FAR2: variants seen among roughly 807,000 people sequenced by gnomAD.
FAR2 encodes the protein epididymis secretory protein Li 81.
FAR2 carries 19 observed loss-of-function variants against 56.0 expected under a neutral mutation model. The ratio of observed to expected loss-of-function variants is 0.34; its 90% CI spans 0.24 to 0.50. The LOEUF (loss-of-function observed/expected upper bound fraction) is 0.50, where lower values mean the gene tolerates loss of function less well. FAR2 is among the 20% of genes least tolerant of loss of function. The pLI is 0.98. For missense variants in FAR2, 508 were observed against 642.2 expected, an observed-to-expected ratio of 0.79 and a Z score of 2.26; for synonymous variants, 219 against 218.8, an observed-to-expected ratio of 1.00 and a Z score of -0.01.
chr12:29,260,352 A>T (rs1234672048), intron 1 of FAR2, among the ~76,000 whole-genome samples: 2 of 152,186 alleles, frequency 1.3e-5, no homozygotes, highest in East Asian at 1.9e-4. Flanking sequence ...TTTCAGAATG[A>T]CTTAAATTGA....
chr12:29,216,238 T>C (rs932085285), intron 1 of FAR2, among the ~76,000 whole-genome samples: 1 of 152,230 alleles, frequency 6.6e-6, no homozygotes, highest in African/African-American at 2.4e-5. Flanking sequence ...GGGAAGCCTT[T>C]TTAGAAAGCC....
intron 1 of FAR2, among the ~76,000 whole-genome samples, chr12:29,181,457 G>A (rs1949990970): frequency 6.6e-6 from 1 of 152,148 alleles, no homozygotes; most frequent in Non-Finnish European, 1.5e-5. Flanking sequence ...CAACAGCAAT[G>A]ACAACAATGG....
intron 1 of FAR2, among the ~76,000 whole-genome samples, chr12:29,152,971 A>C (rs1461363452): frequency 6.6e-6 from 1 of 152,236 alleles, no homozygotes; most frequent in African/African-American, 2.4e-5. Context: ...GCAGAAAAGG[A>C]ATATCTGGAT....
At position 29,319,025 on chromosome 12, in the gene FAR2, T is replaced by C. The variant is rs576933193; in HGVS notation, c.1127+2013T>C. Among the ~76,000 whole-genome samples the C allele has an allele frequency of 5.3e-5, 8 of 151,880 alleles. No homozygotes were observed. In the South Asian group the frequency reaches 1.7e-3, roughly 32 times the overall value. On this transcript the variant is annotated intron_variant, in intron 9 of 11. Coordinates refer to ENST00000536681, the MANE Select transcript of FAR2 (RefSeq NM_001271783.2). The stretch of plus-strand genomic sequence containing the variant: ...TTTTTTTTTGAGATGGAGTCTTGCT[T>C]TGTCACCTAGGCTAGAGTGCAGTGG...
intron 1 of FAR2, among the ~76,000 whole-genome samples, chr12:29,230,119 T>C (rs1947832911): frequency 6.6e-6 from 1 of 151,818 alleles, no homozygotes. Context: ...TACACAGATG[T>C]CATCTGAATA....
chr12:29,233,324 ACT>A (rs1392356838), intron 1 of FAR2, among the ~76,000 whole-genome samples: 1 of 152,020 alleles, frequency 6.6e-6, no homozygotes, highest in Non-Finnish European at 1.5e-5. Flanking sequence ...TTTTGGATAG[ACT>A]CTGAATCTTA....
chr12:29,215,638 A>T (rs1947613152), intron 1 of FAR2, among the ~76,000 whole-genome samples: 1 of 152,222 alleles, frequency 6.6e-6, no homozygotes. Context: ...TAATAGCTTC[A>T]TATTAACAAA....
chr12:29,257,480 C>G (rs1948341682), intron 1 of FAR2, among the ~76,000 whole-genome samples: 1 of 152,202 alleles, frequency 6.6e-6, no homozygotes, highest in African/African-American at 2.4e-5. Context: ...CAGTGGCAAC[C>G]CGCTGGGGTC....
chr12:29,298,306 T>G (rs1949104598), intron 4 of FAR2, among the ~76,000 whole-genome samples: 1 of 145,308 alleles, frequency 6.9e-6, no homozygotes, highest in African/African-American at 2.6e-5. Flanking sequence ...TTTTTTTTTT[T>G]GTAAAAAACT....
intron 4 of FAR2, among the ~76,000 whole-genome samples, chr12:29,303,799 C>T (rs908731787): frequency 6.6e-6 from 1 of 152,168 alleles, no homozygotes; most frequent in Non-Finnish European, 1.5e-5. Context: ...ATCTATGTAG[C>T]TAAGTAAAAA....
At position 29,160,214 on chromosome 12, in the gene FAR2, C is replaced by G. The variant is rs568606046; in HGVS notation, c.-39+10807C>G. 7.2e-5 allele frequency among the ~76,000 whole-genome samples: 11 copies of G among 152,340 alleles called. No individual in the cohort carries two copies. In the East Asian group the frequency reaches 2.1e-3, roughly 29 times the overall value. The stretch of plus-strand genomic sequence containing the variant: ...ACTGTCAGTTCAGGAAAGATGCCTT[C>G]TGAAGATTCCTCACAGAGACTGTAC... On this transcript the variant is annotated intron_variant, in intron 1 of 11. Coordinates refer to ENST00000536681, the MANE Select transcript of FAR2 (RefSeq NM_001271783.2).
intron 1 of FAR2, among the ~76,000 whole-genome samples, chr12:29,225,478 C>T (rs1373760703): frequency 6.6e-6 from 1 of 152,038 alleles, no homozygotes; most frequent in Non-Finnish European, 1.5e-5. Context: ...TGTTGTTGAT[C>T]AAAGCTTACA....
chr12:29,165,041 G>A (rs1286761528), intron 1 of FAR2, among the ~76,000 whole-genome samples: 5 of 152,110 alleles, frequency 3.3e-5, no homozygotes, highest in African/African-American at 1.2e-4. Context: ...TTTTTTGTGT[G>A]TTTTTGAAGC....
At chr12:29,303,054 A>T (rs1565514350) in intron 4 of FAR2, among the ~76,000 whole-genome samples, 2 of 152,234 alleles carry the variant, frequency 1.3e-5, no homozygotes. Flanking sequence ...TCCATGAAGC[A>T]ATGCGTTTTT....
intron 1 of FAR2, among the ~76,000 whole-genome samples, chr12:29,181,392 G>C (rs1314584123): frequency 6.6e-6 from 1 of 152,106 alleles, no homozygotes; most frequent in African/African-American, 2.4e-5. Context: ...AGGAGAACAT[G>C]TTCTATGGAA....
intron 1 of FAR2, among the ~76,000 whole-genome samples, chr12:29,191,830 G>A (rs754680000): frequency 3.7e-4 from 57 of 152,156 alleles, no homozygotes; most frequent in Non-Finnish European, 7.2e-4. Flanking sequence ...GTTTAAGAAG[G>A]AGAATGAAGA....
At position 29,307,678 on chromosome 12, in the gene FAR2, T is replaced by C. The variant is rs1949274363; in HGVS notation, c.566T>C (p.Ile189Thr). 2 of 1,612,190 alleles carry C rather than the reference T, an allele frequency of 1.2e-6. No homozygotes were observed. The stretch of plus-strand genomic sequence containing the variant: ...TTTAGGTGGTTAGACGATGCTATTA[T>C]TGACGAGATTACACCCAAGCTGATC... ...DSLEWLDDAI[I>T]DEITPKLIRD... Residue 189 changes from isoleucine (I) to threonine (T), a missense_variant, in exon 5 of 12, where the codon ATT becomes ACT. Transcript: ENST00000536681.
chr12:29,317,021 C>G lies in FAR2; in HGVS notation c.1127+9C>G. On this transcript the variant is annotated intron_variant, in intron 9 of 11. Transcript: ENST00000536681. ...ACTGGAAGGAAGCCCAGGTGAGAAG[C>G]TGAGTCAATGGCTTTGAGAGTGTCA... 1 of 1,610,158 alleles carries G rather than the reference C, an allele frequency of 6.2e-7. No individual in the cohort carries two copies. Among genetic ancestry groups the G allele is most frequent in the Non-Finnish European group, 8.5e-7 (1 of 1,177,732 alleles).
chr12:29,335,201 G>A lies in FAR2; in HGVS notation c.*1407G>A, dbSNP rs777315827. ...TGGGTAATATTCAGAAAGGCACATCGTGGTAGTTTAAGTGTACAAGGCCTT... is the reference window on the plus strand; with the variant it reads ...TGGGTAATATTCAGAAAGGCACATCATGGTAGTTTAAGTGTACAAGGCCTT... On this transcript the variant is annotated 3_prime_UTR_variant, in exon 12 of 12. Transcript: ENST00000536681. 6.6e-5 allele frequency: 10 copies of A among 152,268 alleles called. No individual in the cohort carries two copies. The highest frequency in any genetic ancestry group is 1.9e-4 in the East Asian group (1 of 5,186). 9.4% of individuals were successfully genotyped at this position (152,268 alleles called of 1,614,324 possible). A position where few individuals can be genotyped will look rare whatever the true frequency, so the allele number is the denominator to read the frequency against.
Sources: gnomAD v4.1 joint callset for allele counts (sites outside exome capture counted in the v4.1 genomes callset) on GRCh38, gnomAD v4.1.1 for gene constraint, MANE v1.5 for transcripts, NCBI Gene and HGNC (gene_info 2026-07-23, HGNC 2026-07-21) for gene names.